The following RTN1 variants were observed in gnomAD, a reference collection of about 807,000 sequenced individuals.
RTN1 encodes the protein reticulon 1, also known as reticulon-1.
In RTN1, 25 loss-of-function variants were observed where a neutral mutation model predicts 65.5. The observed-to-expected ratio is 0.38, with a 90% CI of 0.28 to 0.53. The LOEUF is 0.53. RTN1 is among the 20% of genes least tolerant of loss of function. The pLI is 0.79. For synonymous variants in RTN1, 471 were observed against 447.6 expected (o/e 1.05, Z -0.66); for missense variants, 983 against 1,025.4 (o/e 0.96, Z 0.57).
intron 1 of RTN1, among the ~76,000 whole-genome samples, chr14:59,795,738 T>C (rs538967463): frequency 6.6e-6 from 1 of 152,272 alleles, no homozygotes; most frequent in East Asian, 1.9e-4. Flanking sequence ...GGTACATATG[T>C]AGCACATCAG....
At chr14:59,818,245 C>CTTA (rs1411735658) in intron 1 of RTN1, among the ~76,000 whole-genome samples, 1 of 152,084 alleles carries the variant, frequency 6.6e-6, no homozygotes, top group African/African-American at 2.4e-5. Flanking sequence ...GTGTATGTAC[C>CTTA]TTATTTTCTT....
rs1455024879 is a variant in RTN1 at position 59,746,267 on chromosome 14, A to G, written c.456T>C (p.Asp152=). The change falls in exon 2 of 9, where the codon GAT becomes GAC. Residue 152 remains aspartate, a synonymous_variant. Coordinates refer to ENST00000267484, the MANE Select transcript of RTN1 (RefSeq NM_021136.3). ...ELGTPGPSLP[D]VPGIESRGLF... ...AGCCACGAGACTCTATCCCAGGCAC[A>G]TCTGGTAAGGAGGGGCCGGGTGTAC... 2 of 1,613,570 alleles carry G rather than the reference A, an allele frequency of 1.2e-6. No individual in the cohort carries two copies. The highest frequency in any genetic ancestry group is 1.1e-5 in the South Asian group (1 of 90,966).
intron 1 of RTN1, among the ~76,000 whole-genome samples, chr14:59,838,415 A>C (rs902837050): frequency 1.3e-5 from 2 of 152,200 alleles, no homozygotes; most frequent in Admixed American, 6.5e-5. Flanking sequence ...CACGTATAGG[A>C]ATGTTCAGTA....
chr14:59,818,888 G>A (rs1180224015), intron 1 of RTN1, among the ~76,000 whole-genome samples: 1 of 152,204 alleles, frequency 6.6e-6, no homozygotes, highest in Non-Finnish European at 1.5e-5. Context: ...TGCAGAACTG[G>A]TGGGTTGTTG....
At chr14:59,856,699 T>C (rs902256328) in intron 1 of RTN1, among the ~76,000 whole-genome samples, 1 of 152,198 alleles carries the variant, frequency 6.6e-6, no homozygotes, top group East Asian at 1.9e-4. Context: ...AGCTTCCCCA[T>C]TGCTATTTGG....
intron 3 of RTN1, among the ~76,000 whole-genome samples, chr14:59,665,321 A>G (rs1883343620): frequency 6.6e-6 from 1 of 152,220 alleles, no homozygotes; most frequent in South Asian, 2.1e-4. Flanking sequence ...TCAACCCAGA[A>G]TTTCATAACC....
intron 1 of RTN1, among the ~76,000 whole-genome samples, chr14:59,798,786 G>C (rs1361948616): frequency 7.1e-6 from 1 of 140,970 alleles, no homozygotes; most frequent in Non-Finnish European, 1.5e-5. Flanking sequence ...ATTAGGACAT[G>C]GATATCATTT....
At chr14:59,668,634 G>A (rs530883631) in intron 3 of RTN1, among the ~76,000 whole-genome samples, 10 of 152,114 alleles carry the variant, frequency 6.6e-5, no homozygotes, top group East Asian at 1.9e-4. Context: ...GCTTCTGCAC[G>A]ACAAAAGAAA....
chr14:59,801,528 G>A (rs774071654), intron 1 of RTN1, among the ~76,000 whole-genome samples: 9 of 152,014 alleles, frequency 5.9e-5, no homozygotes, highest in Admixed American at 1.3e-4. Flanking sequence ...CAAAAATAAT[G>A]GCATAATAAA....
chr14:59,827,514 A>C (rs972267029), intron 1 of RTN1, among the ~76,000 whole-genome samples: 5 of 151,912 alleles, frequency 3.3e-5, no homozygotes, highest in Non-Finnish European at 5.9e-5. Flanking sequence ...CTCAGCTCAC[A>C]CTCTGCTCAT....
rs1384676456 is a variant in RTN1, at chr14:59,803,085, C to G, written c.242-56604G>C. ...TGCCATTTGCACTGGGATAAGCACA[C>G]AGGCCATGCAGAAAACCGCTGTCTA... On this transcript the variant is annotated intron_variant, in intron 1 of 8. Coordinates refer to ENST00000267484, the MANE Select transcript of RTN1 (RefSeq NM_021136.3). The surrounding 1 kb of genome is among the most constrained non-coding windows in gnomAD (Gnocchi z 5.6). Among the ~76,000 whole-genome samples the G allele has an allele frequency of 6.6e-6, 1 of 151,998 alleles. No homozygotes were observed. Among genetic ancestry groups the G allele is most frequent in the East Asian group, 1.9e-4 (1 of 5,196 alleles).
At chr14:59,638,086 A>G (rs1198727857) in intron 3 of RTN1, among the ~76,000 whole-genome samples, 1 of 152,118 alleles carries the variant, frequency 6.6e-6, no homozygotes, top group African/African-American at 2.4e-5. Context: ...TCCTGATCTC[A>G]GGTGATCCGC....
rs1566737477 is a variant in RTN1, at chr14:59,819,414, ACCCCCCC to A, written c.241+50969_241+50975del. On this transcript the variant is annotated intron_variant, in intron 1 of 8. Coordinates refer to ENST00000267484, the MANE Select transcript of RTN1 (RefSeq NM_021136.3). ...TGATTGGTGCATCCACACCACCACC[ACCCCCCC>A]CCCACCCCCCACCCCCCCCCCCCGG... is the stretch of plus-strand genomic sequence containing the variant. 9.0e-3 allele frequency among the ~76,000 whole-genome samples: 287 copies of A among 31,878 alleles called. 63 individuals carry two copies. Among genetic ancestry groups the A allele is most frequent in the Non-Finnish European group, 0.013 (242 of 18,798 alleles). The allele number at this position is 31,878 out of a possible 152,430, so 20.9% of individuals were successfully genotyped here.
At chr14:59,720,728 A>G (rs1388000354) in intron 3 of RTN1, among the ~76,000 whole-genome samples, 1 of 152,012 alleles carries the variant, frequency 6.6e-6, no homozygotes. Flanking sequence ...TCTCAAAAAA[A>G]AAAAAAAAAA....
At chr14:59,809,826 A>G (rs1715663232) in intron 1 of RTN1, among the ~76,000 whole-genome samples, 1 of 152,196 alleles carries the variant, frequency 6.6e-6, no homozygotes, top group South Asian at 2.1e-4. Flanking sequence ...CTAGTGAGGT[A>G]GTAAGAGTGT....
intron 3 of RTN1, among the ~76,000 whole-genome samples, chr14:59,632,344 C>T (rs999695247): frequency 6.6e-6 from 1 of 152,008 alleles, no homozygotes; most frequent in Admixed American, 6.6e-5. Flanking sequence ...TTTTTCATTG[C>T]CACGTCATTT....
At chr14:59,822,331 G>A (rs527349750) in intron 1 of RTN1, among the ~76,000 whole-genome samples, 21 of 152,236 alleles carry the variant, frequency 1.4e-4, no homozygotes, top group Admixed American at 3.3e-4. Flanking sequence ...AGGGGTTTCT[G>A]TATTTCTGTG....
At chr14:59,792,985 T>C (rs769504362) in intron 1 of RTN1, among the ~76,000 whole-genome samples, 2 of 152,154 alleles carry the variant, frequency 1.3e-5, no homozygotes, top group African/African-American at 2.4e-5. Context: ...CAATGAAAAC[T>C]TCCCTGAAAT....
chr14:59,637,968 C>G (rs1196155048), intron 3 of RTN1, among the ~76,000 whole-genome samples: 1 of 151,976 alleles, frequency 6.6e-6, no homozygotes, highest in East Asian at 2.0e-4. Flanking sequence ...TCTCCTGCCT[C>G]AGCCTCCCAA....
Sources: gnomAD v4.1 joint callset for allele counts (sites outside exome capture counted in the v4.1 genomes callset) on GRCh38, gnomAD v4.1.1 for gene constraint, Gnocchi (gnomAD v3.1) non-coding constraint, MANE v1.5 for transcripts, NCBI Gene and HGNC (gene_info 2026-07-23, HGNC 2026-07-21) for gene names.